Variants in HPSE2 observed in about 807,000 individuals in gnomAD.
The protein encoded by HPSE2 is heparanase 2 (inactive), also known as inactive heparanase-2.
In HPSE2, 38 loss-of-function variants were observed where a neutral mutation model predicts 60.5. The ratio of observed to expected loss-of-function variants is 0.63; its 90% confidence interval spans 0.48 to 0.82. The LOEUF (loss-of-function observed/expected upper bound fraction) is 0.82. HPSE2 is among the 40% of genes least tolerant of loss of function. The pLI, the probability that HPSE2 is intolerant of heterozygous loss-of-function variation, is 0.00. For missense variants in HPSE2, 713 were observed against 740.4 expected (o/e 0.96, Z 0.43); for synonymous variants, 295 against 293.2 (o/e 1.01, Z -0.06).
At chr10:98,891,193 A>C (rs1035690747) in intron 3 of HPSE2, among the ~76,000 whole-genome samples, 1 of 152,156 alleles carries the variant, frequency 6.6e-6, no homozygotes, top group African/African-American at 2.4e-5. Context: ...AAATGTAAAG[A>C]ACCATATCCA....
At chr10:98,877,149 C>T (rs968524402) in intron 3 of HPSE2, among the ~76,000 whole-genome samples, 2 of 151,750 alleles carry the variant, frequency 1.3e-5, no homozygotes, top group South Asian at 2.1e-4. Context: ...TATTATAAAA[C>T]GAAATTTATT....
chr10:98,900,508 G>A (rs2134977249), intron 3 of HPSE2, among the ~76,000 whole-genome samples: 1 of 152,206 alleles, frequency 6.6e-6, no homozygotes, highest in South Asian at 2.1e-4. Context: ...TGAACATTAT[G>A]TATGATATGG....
At chr10:99,296,074 T>C in the HPSE2 span, among the ~76,000 whole-genome samples, 113 of 152,260 alleles carry the variant, frequency 7.4e-4, no homozygotes, top group African/African-American at 2.6e-3. Context: ...CACTTTCTAT[T>C]TGGGGGAACT....
intron 3 of HPSE2, among the ~76,000 whole-genome samples, chr10:98,841,758 C>G (rs1951918008): frequency 1.3e-5 from 2 of 151,856 alleles, no homozygotes; most frequent in African/African-American, 4.8e-5. Flanking sequence ...TATCTTCCCC[C>G]AGTGGAATGT....
At chr10:99,050,831 C>G (rs1957974270) in intron 3 of HPSE2, among the ~76,000 whole-genome samples, 1 of 151,966 alleles carries the variant, frequency 6.6e-6, no homozygotes, top group Non-Finnish European at 1.5e-5. Context: ...TGGTGGTTAC[C>G]AAAGGCTGCA....
intron 3 of HPSE2, among the ~76,000 whole-genome samples, chr10:98,969,526 T>C (rs1326845526): frequency 2.6e-5 from 4 of 152,172 alleles, no homozygotes; most frequent in Admixed American, 6.6e-5. Context: ...TAACTCTCTC[T>C]TCTTCATGTT....
rs567580345 is a variant in HPSE2, at chr10:99,217,254, G to A, written c.448+15094C>T. On this transcript the variant is annotated intron_variant, in intron 2 of 11. Coordinates refer to ENST00000370552, the MANE Select transcript of HPSE2 (RefSeq NM_021828.5). ...AGGTGATGCCCTCCTCCTGGTTCCC[G>A]GGCCAGGAGGAGGGCATCACCTGGA... 1.6e-4 allele frequency among the ~76,000 whole-genome samples: 23 copies of A among 147,848 alleles called. 1 individual carries two copies. The highest frequency in any genetic ancestry group is 1.1e-3 in the South Asian group (5 of 4,746).
At chr10:98,657,277 C>T (rs1239509522) in intron 6 of HPSE2, among the ~76,000 whole-genome samples, 1 of 150,112 alleles carries the variant, frequency 6.7e-6, no homozygotes, top group African/African-American at 2.4e-5. Flanking sequence ...CAAAGCAATG[C>T]AAAGACCTTC....
the HPSE2 span, among the ~76,000 whole-genome samples, chr10:99,281,040 C>A: frequency 6.6e-6 from 1 of 151,952 alleles, no homozygotes; most frequent in Admixed American, 6.6e-5. Context: ...GTACCTATCT[C>A]ATGAGTTATT....
intron 3 of HPSE2, among the ~76,000 whole-genome samples, chr10:98,928,844 G>A (rs1268499686): frequency 1.0e-5 from 1 of 96,942 alleles, no homozygotes; most frequent in Non-Finnish European, 1.9e-5. Flanking sequence ...GTTGTGGGGT[G>A]GGGGGAGGGG....
chr10:99,135,500 C>T (rs1452256276), intron 3 of HPSE2, among the ~76,000 whole-genome samples: 1 of 152,172 alleles, frequency 6.6e-6, no homozygotes, highest in Non-Finnish European at 1.5e-5. Flanking sequence ...GAAATCATAA[C>T]AAACAGTCTC....
intron 3 of HPSE2, among the ~76,000 whole-genome samples, chr10:98,943,797 C>A (rs568135623): frequency 2.8e-4 from 42 of 152,180 alleles, no homozygotes; most frequent in African/African-American, 9.6e-4. Context: ...GAATGATTTT[C>A]TAAATGTATC....
intron 2 of HPSE2, among the ~76,000 whole-genome samples, chr10:99,177,357 T>C (rs1847566391): frequency 6.6e-6 from 1 of 152,096 alleles, no homozygotes; most frequent in Non-Finnish European, 1.5e-5. Context: ...CCCATCAGTG[T>C]GCTGTATTCA....
chr10:99,215,790 T>C (rs1425805377), intron 2 of HPSE2, among the ~76,000 whole-genome samples: 1 of 152,190 alleles, frequency 6.6e-6, no homozygotes, highest in Non-Finnish European at 1.5e-5. Flanking sequence ...AGTTTTCCTT[T>C]TGGGCTAATG....
chr10:99,228,721 G>A (rs1311789106), intron 2 of HPSE2, among the ~76,000 whole-genome samples: 1 of 152,188 alleles, frequency 6.6e-6, no homozygotes, highest in Non-Finnish European at 1.5e-5. Context: ...TGCATTAAAG[G>A]AGTAACCAGT....
intron 3 of HPSE2, among the ~76,000 whole-genome samples, chr10:98,986,966 A>T (rs1346590870): frequency 6.6e-6 from 1 of 152,178 alleles, no homozygotes; most frequent in Non-Finnish European, 1.5e-5. Flanking sequence ...CTCTGAACAG[A>T]CCAATAGCAG....
chr10:98,788,586 C>A (rs1255419483), intron 3 of HPSE2, among the ~76,000 whole-genome samples: 1 of 152,074 alleles, frequency 6.6e-6, no homozygotes, highest in African/African-American at 2.4e-5. Flanking sequence ...GCTGTGCTAG[C>A]AATTAGCGAG....
At chr10:98,871,848 C>T (rs952958357) in intron 3 of HPSE2, among the ~76,000 whole-genome samples, 4 of 152,182 alleles carry the variant, frequency 2.6e-5, no homozygotes, top group African/African-American at 7.2e-5. Flanking sequence ...AAACTGGAGA[C>T]TGTATCTACT....
intron 8 of HPSE2, among the ~76,000 whole-genome samples, chr10:98,620,208 C>T (rs538301563): frequency 7.3e-4 from 111 of 152,298 alleles, no homozygotes; most frequent in Non-Finnish European, 1.2e-3. Context: ...ATCTCCTATC[C>T]CAGTTCCATC....
Sources: gnomAD v4.1 joint callset for allele counts (sites outside exome capture counted in the v4.1 genomes callset) on GRCh38, gnomAD v4.1.1 for gene constraint, MANE v1.5 for transcripts, NCBI Gene and HGNC (gene_info 2026-07-23, HGNC 2026-07-21) for gene names.